Variants in PTCHD1 observed in about 807,000 individuals in gnomAD.
The protein encoded by PTCHD1 is patched domain-containing protein 1.
PTCHD1 carries 3 observed loss-of-function variants against 34.6 expected under a neutral mutation model. That is an observed-to-expected ratio of 0.09 (90% CI 0.04 to 0.22). The LOEUF is 0.22. Ranked by LOEUF, PTCHD1 falls within the 10% of genes least tolerant of loss-of-function variation. The probability of loss-of-function intolerance (pLI) is 1.00; values close to 1 mark genes in which losing one functional copy is unlikely to be tolerated. For synonymous variants in PTCHD1, 305 were observed against 283.1 expected, an observed-to-expected ratio of 1.08 and a Z score of -0.77; for missense variants, 504 against 685.5, an observed-to-expected ratio of 0.74 and a Z score of 2.96.
intron 2 of PTCHD1, among the ~76,000 whole-genome samples, chrX:23,392,070 C>T (rs199722382): frequency 3.0e-3 from 116 of 39,320 alleles, no homozygotes; most frequent in African/African-American, 0.015. Flanking sequence ...TTCTTTCTTT[C>T]TTTCTTTTTT....
intron 2 of PTCHD1, among the ~76,000 whole-genome samples, chrX:23,388,571 A>G (rs1922740470): frequency 8.9e-6 from 1 of 111,751 alleles, no homozygotes; most frequent in South Asian, 3.8e-4. Context: ...TCATGCCTGT[A>G]TAGAATCCCA....
intron 2 of PTCHD1, among the ~76,000 whole-genome samples, chrX:23,390,847 A>T (rs1311711961): frequency 8.9e-6 from 1 of 112,319 alleles, no homozygotes; most frequent in Non-Finnish European, 1.9e-5. Context: ...CACTTTATTC[A>T]GCATTATGCT....
At chrX:23,371,013 G>A (rs1157212348) in intron 1 of PTCHD1, among the ~76,000 whole-genome samples, 2 of 111,170 alleles carry the variant, frequency 1.8e-5, no homozygotes, top group Non-Finnish European at 3.8e-5. Context: ...AGGAGAGGCA[G>A]GAGGGGAAAG....
chrX:23,348,907 C>A (rs1026298419), intron 1 of PTCHD1, among the ~76,000 whole-genome samples: 1 of 111,798 alleles, frequency 8.9e-6, no homozygotes, highest in Non-Finnish European at 1.9e-5. Flanking sequence ...TTTTCTTACT[C>A]TTAATTGATC....
rs1231105134 is a variant in PTCHD1, at chrX:23,396,459, A to T, written c.*2274A>T. 8.9e-6 allele frequency: 1 copy of T among 112,196 alleles called. No homozygotes were observed. The highest frequency in any genetic ancestry group is 3.2e-5 in the African/African-American group (1 of 30,860). 9.2% of individuals were successfully genotyped at this position (112,196 alleles called of 1,213,427 possible). On this transcript the variant is annotated 3_prime_UTR_variant, in exon 3 of 3. Transcript: ENST00000379361. ...TTTTACTGTTAAATCATGTGTTGCT[A>T]AATCATTTTCTGAACAGTGTGTTCT...
At chrX:23,342,310 A>ATATATT (rs1921357058) in intron 1 of PTCHD1, among the ~76,000 whole-genome samples, 5 of 12,915 alleles carry the variant, frequency 3.9e-4, no homozygotes, top group Non-Finnish European at 5.4e-4. Context: ...ATATATATAT[A>ATATATT]TTTTTTTTTT....
chrX:23,376,995 T>G (rs1267956475), intron 1 of PTCHD1, among the ~76,000 whole-genome samples: 2 of 112,175 alleles, frequency 1.8e-5, no homozygotes, highest in African/African-American at 6.5e-5. Context: ...GTCTGTTTTC[T>G]TCGATGTATG....
intron 1 of PTCHD1, among the ~76,000 whole-genome samples, chrX:23,337,948 G>A (rs896952063): frequency 8.9e-6 from 1 of 111,931 alleles, no homozygotes; most frequent in Admixed American, 9.5e-5. Flanking sequence ...CTGGGAGGGA[G>A]TGATGACAGA....
rs1444832844 is a variant in PTCHD1, at chrX:23,340,941, C to A, written c.351+5715C>A. Among the ~76,000 whole-genome samples the A allele has an allele frequency of 5.3e-5, 6 of 112,381 alleles. 1 individual carries two copies. The highest frequency in any genetic ancestry group is 1.3e-4 in the African/African-American group (4 of 30,920). ...GTACTAGGGGAAAATTAAGGAGAGA[C>A]TGAGATCGGTTTTCATTCTCCTTTC... On this transcript the variant is annotated intron_variant, in intron 1 of 2. Transcript: ENST00000379361.
Position 23,370,717 on chromosome X carries a change from G to A in PTCHD1, c.352-8874G>A, listed in dbSNP as rs147465337. On this transcript the variant is annotated intron_variant, in intron 1 of 2. Transcript: ENST00000379361. ...TAGCAAATCCTTTCAAAGAAAAAAT[G>A]TTACCAAAGAGCTCATCTGATGAAG... Among the ~76,000 whole-genome samples, 907 of 111,760 alleles carry A rather than the reference G, an allele frequency of 8.1e-3. 8 individuals carry two copies. The highest frequency in any genetic ancestry group is 0.027 in the African/African-American group (840 of 30,769).
chrX:23,384,537 T>C (rs1311181154), intron 2 of PTCHD1, among the ~76,000 whole-genome samples: 1 of 112,214 alleles, frequency 8.9e-6, no homozygotes, highest in Non-Finnish European at 1.9e-5. Flanking sequence ...AACCAGAAGA[T>C]TGGGTTCCAT....
In PTCHD1 at chrX:23,335,028, C is replaced by A; in HGVS notation, c.153C>A (p.Ser51Arg). The A allele has an allele frequency of 8.3e-7, 1 of 1,211,144 alleles. No homozygotes were observed. The highest frequency in any genetic ancestry group is 3.0e-5 in the East Asian group (1 of 33,802). The change falls in exon 1 of 3, where the codon AGC becomes AGA. Residue 51 changes from serine (S) to arginine (R), a missense_variant. By Grantham distance (110) the Ser-to-Arg change is moderately radical. Transcript: ENST00000379361. ...TCAGCCGCTACCAGGTCGAGGAGAGCGTGGAGCACCTGCTGGCGCCCCAGC... is the reference window on the plus strand; with the variant it reads ...TCAGCCGCTACCAGGTCGAGGAGAGAGTGGAGCACCTGCTGGCGCCCCAGC... ...ASFSRYQVEE[S>R]VEHLLAPQHS...
intron 1 of PTCHD1, among the ~76,000 whole-genome samples, chrX:23,351,912 G>T (rs1187512975): frequency 8.9e-6 from 1 of 112,047 alleles, no homozygotes; most frequent in African/African-American, 3.2e-5. Flanking sequence ...TTAAAGAAGG[G>T]GAGATGTGGC....
At chrX:23,362,763 T>C (rs940361646) in intron 1 of PTCHD1, among the ~76,000 whole-genome samples, 2 of 112,148 alleles carry the variant, frequency 1.8e-5, no homozygotes, top group Admixed American at 1.9e-4. Flanking sequence ...ATCTTTGTGG[T>C]TTTATCTACC....
intron 2 of PTCHD1, among the ~76,000 whole-genome samples, chrX:23,389,579 C>T (rs1287374300): frequency 8.9e-6 from 1 of 111,912 alleles, no homozygotes; most frequent in Non-Finnish European, 1.9e-5. Context: ...GGAATCTGAC[C>T]TATCAGGAAT....
At chrX:23,339,782 T>G in intron 1 of PTCHD1, among the ~76,000 whole-genome samples, 1 of 112,703 alleles carries the variant, frequency 8.9e-6, no homozygotes, top group East Asian at 2.8e-4. Flanking sequence ...TTTTAAAAGA[T>G]TATAAACACA....
chrX:23,353,609 C>CAAAACA (rs1921713898), intron 1 of PTCHD1, among the ~76,000 whole-genome samples: 1 of 96,401 alleles, frequency 1.0e-5, no homozygotes, highest in African/African-American at 3.5e-5. Context: ...CAAAACAAAA[C>CAAAACA]AAAAAAAAAA....
At chrX:23,357,658 T>TTTA (rs199783783) in intron 1 of PTCHD1, among the ~76,000 whole-genome samples, 6,796 of 110,624 alleles carry the variant, frequency 0.061, 569 homozygotes, top group African/African-American at 0.21. Context: ...CCACAGCTTT[T>TTTA]TTATTATTAT....
upstream of PTCHD1, chrX:23,334,754 C>A (rs1921101817): frequency 2.3e-5 from 3 of 133,299 alleles, no homozygotes; most frequent in African/African-American, 6.8e-5. Context: ...AGGGTCTCGC[C>A]GCCGCCGCCG....
Sources: allele counts gnomAD v4.1 joint callset (sites outside exome capture counted in the v4.1 genomes callset), GRCh38; gene constraint gnomAD v4.1.1; transcripts MANE v1.5; gene names NCBI Gene and HGNC (gene_info 2026-07-23, HGNC 2026-07-21).